The following BCL2 variants were observed in gnomAD, a reference collection of about 807,000 sequenced individuals.
The protein encoded by BCL2 is apoptosis regulator Bcl-2.
Under a neutral mutation model 14.2 loss-of-function variants are expected in BCL2, and 1 was observed. The observed-to-expected ratio is 0.07, with a 90% CI of 0.02 to 0.33. The LOEUF is 0.33. Among genes scored for constraint, BCL2 ranks in the 10% least tolerant of loss-of-function variants. BCL2 has a pLI of 0.99. For synonymous variants in BCL2, 151 were observed against 137.2 expected, an observed-to-expected ratio of 1.10 and a Z score of -0.70; for missense variants, 247 against 305.9, an observed-to-expected ratio of 0.81 and a Z score of 1.44.
intron 2 of BCL2, among the ~76,000 whole-genome samples, chr18:63,147,496 C>T (rs933096547): frequency 1.3e-5 from 2 of 152,050 alleles, no homozygotes; most frequent in African/African-American, 2.4e-5. Flanking sequence ...TAGAAGAAGC[C>T]GGGACGTGAC....
intron 2 of BCL2, among the ~76,000 whole-genome samples, chr18:63,138,140 G>A (rs1351618815): frequency 6.6e-6 from 1 of 152,256 alleles, no homozygotes; most frequent in Non-Finnish European, 1.5e-5. Flanking sequence ...AGCGCTCCAT[G>A]AAGCCAAGCA....
Position 63,127,565 on chromosome 18 carries a change from G to A in BCL2, c.*1060C>T, listed in dbSNP as rs1164648585. The A allele has an allele frequency of 8.7e-6, 2 of 231,064 alleles. No individual in the cohort carries two copies. The highest frequency in any genetic ancestry group is 2.2e-5 in the African/African-American group (1 of 45,190). 14.3% of individuals were successfully genotyped at this position (231,064 alleles called of 1,614,324 possible). On this transcript the variant is annotated 3_prime_UTR_variant, in exon 3 of 3. Transcript: ENST00000333681. ...AGACATTCGGAGACCACACTGCCCT[G>A]TTGATCATCCCTGGAGGAGGCCAGT...
chr18:63,158,099 G>A (rs1337599218), intron 2 of BCL2, among the ~76,000 whole-genome samples: 1 of 152,098 alleles, frequency 6.6e-6, no homozygotes, highest in Non-Finnish European at 1.5e-5. Flanking sequence ...GGATTCATTT[G>A]ATTGAGGAGG....
intron 2 of BCL2, among the ~76,000 whole-genome samples, chr18:63,232,173 T>C (rs1458781463): frequency 6.6e-6 from 1 of 152,070 alleles, no homozygotes; most frequent in Non-Finnish European, 1.5e-5. Flanking sequence ...CCAAGAGAAT[T>C]ACAGTTAACT....
chr18:63,216,550 C>T (rs1345644826), intron 2 of BCL2, among the ~76,000 whole-genome samples: 1 of 152,116 alleles, frequency 6.6e-6, no homozygotes, highest in African/African-American at 2.4e-5. Context: ...TTACAGAGAA[C>T]TGTAATTGCT....
At chr18:63,294,408 C>T (rs192172963) in intron 2 of BCL2, among the ~76,000 whole-genome samples, 17 of 152,270 alleles carry the variant, frequency 1.1e-4, no homozygotes, top group African/African-American at 3.4e-4. Flanking sequence ...GTGGCTCACA[C>T]CTGTAATCCC....
chr18:63,293,767 A>G (rs1305043342), intron 2 of BCL2, among the ~76,000 whole-genome samples: 1 of 152,262 alleles, frequency 6.6e-6, no homozygotes, highest in Non-Finnish European at 1.5e-5. Flanking sequence ...CAGCAACGTG[A>G]AAAGTCCCAT....
rs3744937 is a variant in BCL2 at position 63,127,958 on chromosome 18, C to T, written c.*667G>A. 1.5e-3 allele frequency: 345 copies of T among 225,154 alleles called. 8 individuals are homozygous for T. The East Asian group carries it at 0.02, about 13-fold the overall frequency. 13.9% of individuals were successfully genotyped at this position (225,154 alleles called of 1,614,324 possible). A position where few individuals can be genotyped will look rare whatever the true frequency, so the allele number is the denominator to read the frequency against. ...CATTTTTCCCATCGCTGTCCTTCGG[C>T]GTGGAAATCTCAGTGGGTACTAGGT... On this transcript the variant is annotated 3_prime_UTR_variant, in exon 3 of 3. Transcript: ENST00000333681.
chr18:63,223,325 G>T (rs1320164418), intron 2 of BCL2, among the ~76,000 whole-genome samples: 1 of 151,992 alleles, frequency 6.6e-6, no homozygotes, highest in African/African-American at 2.4e-5. Flanking sequence ...GTGTGAACCC[G>T]GGAGGCGGAG....
In BCL2 at chr18:63,319,429, A is replaced by T. The variant is rs1305494191; in HGVS notation, c.-542T>A. On this transcript the variant is annotated 5_prime_UTR_variant, in exon 1 of 3. Coordinates refer to ENST00000333681, the MANE Select transcript of BCL2 (RefSeq NM_000633.3). ...CGGAGATCTCAAGAGCTCGAGAAAAAAAAAAGGCAGCGGCGGCGGCAGATG... is the reference window on the plus strand; with the variant it reads ...CGGAGATCTCAAGAGCTCGAGAAAATAAAAAGGCAGCGGCGGCGGCAGATG... 1 of 229,424 alleles carries T rather than the reference A, an allele frequency of 4.4e-6. No homozygotes were observed. The highest frequency in any genetic ancestry group is 8.6e-6 in the Non-Finnish European group (1 of 115,824). 14.2% of individuals were successfully genotyped at this position (229,424 alleles called of 1,614,324 possible). A position where few individuals can be genotyped will look rare whatever the true frequency, so the allele number is the denominator to read the frequency against.
intron 2 of BCL2, among the ~76,000 whole-genome samples, chr18:63,266,656 C>CACACACACACAA (rs768525120): frequency 4.0e-5 from 6 of 150,344 alleles, no homozygotes; most frequent in African/African-American, 1.2e-4. Context: ...CACACACACA[C>CACACACACACAA]AAAAATATAT....
intron 2 of BCL2, among the ~76,000 whole-genome samples, chr18:63,173,402 G>A (rs547985806): frequency 6.6e-6 from 1 of 152,290 alleles, no homozygotes; most frequent in East Asian, 1.9e-4. Context: ...TGTTTTCTTA[G>A]TGAAGCTAAA....
chr18:63,184,821 G>T (rs1915554750), intron 2 of BCL2, among the ~76,000 whole-genome samples: 2 of 152,220 alleles, frequency 1.3e-5, no homozygotes, highest in Non-Finnish European at 1.5e-5. Flanking sequence ...GTAAGTTGTT[G>T]AAAGTCTTTC....
At chr18:63,214,336 G>A (rs1910139305) in intron 2 of BCL2, among the ~76,000 whole-genome samples, 1 of 152,226 alleles carries the variant, frequency 6.6e-6, no homozygotes, top group Non-Finnish European at 1.5e-5. Flanking sequence ...CAAACGTCCG[G>A]TGCAGCTCGG....
chr18:63,260,160 G>A (rs1911612856), intron 2 of BCL2, among the ~76,000 whole-genome samples: 1 of 151,856 alleles, frequency 6.6e-6, no homozygotes. Context: ...TTTGAGTTAT[G>A]ATATCCATCA....
At chr18:63,159,436 AGT>A (rs1914863606) in intron 2 of BCL2, among the ~76,000 whole-genome samples, 1 of 152,234 alleles carries the variant, frequency 6.6e-6, no homozygotes, top group African/African-American at 2.4e-5. Context: ...CCCAAGTAAA[AGT>A]TCTGAAACGG....
chr18:63,221,774 G>T (rs1455282590), intron 2 of BCL2, among the ~76,000 whole-genome samples: 1 of 152,194 alleles, frequency 6.6e-6, no homozygotes, highest in Non-Finnish European at 1.5e-5. Flanking sequence ...CCTAGCTCAG[G>T]ACACCTTTGG....
chr18:63,243,793 A>G, intron 2 of BCL2, among the ~76,000 whole-genome samples: 1 of 152,196 alleles, frequency 6.6e-6, no homozygotes. Flanking sequence ...AATATGACAA[A>G]TTTTCAATTC....
At chr18:63,228,717 T>A (rs1910611760) in intron 2 of BCL2, among the ~76,000 whole-genome samples, 1 of 152,188 alleles carries the variant, frequency 6.6e-6, no homozygotes, top group South Asian at 2.1e-4. Context: ...AAGCAATTTT[T>A]TTTTTTTTTT....
Sources: allele counts gnomAD v4.1 joint callset (sites outside exome capture counted in the v4.1 genomes callset), GRCh38; gene constraint gnomAD v4.1.1; transcripts MANE v1.5; gene names NCBI Gene and HGNC (gene_info 2026-07-23, HGNC 2026-07-21).